SUCLA2: variants seen among roughly 807,000 people sequenced by gnomAD.
SUCLA2 encodes the protein succinate--CoA ligase [ADP-forming] subunit beta, mitochondrial.
Under a neutral mutation model 54.8 loss-of-function variants are expected in SUCLA2, and 30 were observed. The ratio of observed to expected loss-of-function variants is 0.55; its 90% CI spans 0.41 to 0.74. The LOEUF is 0.74. Ranked by LOEUF, SUCLA2 falls within the 30% of genes least tolerant of loss-of-function variation. The probability of loss-of-function intolerance (pLI) is 0.00; values close to 1 mark genes in which losing one functional copy is unlikely to be tolerated. For synonymous variants in SUCLA2, 172 were observed against 188.9 expected (o/e 0.91, Z 0.74); for missense variants, 476 against 562.9 (o/e 0.85, Z 1.56).
chr13:47,971,548 T>C, intron 5 of SUCLA2: 1 of 242,004 alleles, frequency 4.1e-6, no homozygotes, highest in Non-Finnish European at 7.8e-6. Flanking sequence ...CAATGGGGGC[T>C]TTTTTTTAGT....
intron 6 of SUCLA2, chr13:47,965,494 T>TAAAAA (rs35331016): frequency 9.6e-6 from 3 of 311,170 alleles, no homozygotes; most frequent in African/African-American, 5.3e-5. Flanking sequence ...ACCCCTTCTT[T>TAAAAA]AAAAAAAAAA....
chr13:47,997,636 G>GTCAC (rs1950200795), intron 1 of SUCLA2, among the ~76,000 whole-genome samples: 1 of 152,116 alleles, frequency 6.6e-6, no homozygotes, highest in African/African-American at 2.4e-5. Context: ...CTTGCCCAAA[G>GTCAC]TCACACCTCC....
intron 6 of SUCLA2, among the ~76,000 whole-genome samples, chr13:47,957,875 A>C (rs1171647339): frequency 6.6e-6 from 1 of 152,178 alleles, no homozygotes; most frequent in Non-Finnish European, 1.5e-5. Flanking sequence ...AAGCACCTCA[A>C]GTGTGTCAGT....
In SUCLA2 at chr13:47,980,693, T is replaced by A. The variant is rs186715370; in HGVS notation, c.535-7301A>T. On this transcript the variant is annotated intron_variant, in intron 4 of 10. Coordinates refer to ENST00000646932, the MANE Select transcript of SUCLA2 (RefSeq NM_003850.3). ...GGCCTCACACTTCTTTTAAAATATA[T>A]TACAAGGTTACAGTTATCAAAACAG... Among the ~76,000 whole-genome samples the A allele has an allele frequency of 3.2e-3, 488 of 151,708 alleles. 3 individuals are homozygous for A. Among genetic ancestry groups the A allele is most frequent in the African/African-American group, 0.011 (472 of 41,438 alleles).
At chr13:47,997,122 C>T in intron 1 of SUCLA2, 99 bp from the exon 2 acceptor site, 1 of 1,258,642 alleles carries the variant, frequency 7.9e-7, no homozygotes, top group South Asian at 1.2e-5. Flanking sequence ...TGTTACATTA[C>T]ATTAGCAAAG....
chr13:47,985,571 T>C (rs766722107), intron 4 of SUCLA2, among the ~76,000 whole-genome samples: 10 of 152,162 alleles, frequency 6.6e-5, no homozygotes, highest in Non-Finnish European at 1.5e-4. Context: ...ATAATCTCAT[T>C]CCTTTTTTAT....
intron 10 of SUCLA2, among the ~76,000 whole-genome samples, chr13:47,946,583 T>TG (rs1949733981): frequency 7.0e-6 from 1 of 142,296 alleles, no homozygotes; most frequent in East Asian, 2.0e-4. Flanking sequence ...AGGTTGTGTT[T>TG]TTTTTTTTTT....
chr13:47,984,070 T>C (rs1950080053), intron 4 of SUCLA2, among the ~76,000 whole-genome samples: 6 of 152,228 alleles, frequency 3.9e-5, no homozygotes, highest in Admixed American at 3.9e-4. Context: ...CACTGTAGAA[T>C]GAATAGCTAT....
chr13:47,943,063 C>A lies in SUCLA2; in HGVS notation c.*308G>T. 2 of 353,130 alleles carry A rather than the reference C, an allele frequency of 5.7e-6. No homozygotes were observed. The highest frequency in any genetic ancestry group is 1.1e-5 in the Non-Finnish European group (2 of 188,746). The allele number at this position is 353,130 out of a possible 1,614,324, so 21.9% of individuals were successfully genotyped here. A position where few individuals can be genotyped will look rare whatever the true frequency, so the allele number is the denominator to read the frequency against. ...TCGTATTTATCTTATTTATAGGACT[C>A]TTATCAATGAAGAACTTTGTATCCA... is the stretch of plus-strand genomic sequence containing the variant. On this transcript the variant is annotated 3_prime_UTR_variant, in exon 11 of 11. Coordinates refer to ENST00000646932, the MANE Select transcript of SUCLA2 (RefSeq NM_003850.3).
At chr13:47,973,568 T>C (rs1221843574) in intron 4 of SUCLA2, among the ~76,000 whole-genome samples, 176 bp from the exon 5 acceptor site, 1 of 152,146 alleles carries the variant, frequency 6.6e-6, no homozygotes, top group Non-Finnish European at 1.5e-5. Flanking sequence ...CTTATAAATA[T>C]TCAATTAAAG....
intron 6 of SUCLA2, among the ~76,000 whole-genome samples, chr13:47,958,944 A>C (rs959067729): frequency 1.9e-4 from 29 of 152,218 alleles, no homozygotes; most frequent in Non-Finnish European, 4.0e-4. Context: ...GTAATTTAAA[A>C]TTTTGAAATT....
intron 4 of SUCLA2, among the ~76,000 whole-genome samples, chr13:47,986,029 GTTTT>G (rs36000556): frequency 9.8e-5 from 12 of 122,208 alleles, no homozygotes; most frequent in East Asian, 2.4e-4. Flanking sequence ...CATATGTATA[GTTTT>G]TTTTTTTTTT....
intron 2 of SUCLA2, among the ~76,000 whole-genome samples, chr13:47,995,507 C>CA (rs1264046777): frequency 6.6e-6 from 1 of 152,062 alleles, no homozygotes; most frequent in Admixed American, 6.5e-5. Context: ...GCTTATATGA[C>CA]AGTTTTCTGA....
At chr13:47,997,264 T>C (rs1368204658) in intron 1 of SUCLA2, among the ~76,000 whole-genome samples, 1 of 149,630 alleles carries the variant, frequency 6.7e-6, no homozygotes, top group African/African-American at 2.5e-5. Context: ...TCAGCTTTAC[T>C]ATCATATCTC....
intron 6 of SUCLA2, among the ~76,000 whole-genome samples, chr13:47,955,404 G>A (rs968454029): frequency 6.6e-6 from 1 of 152,096 alleles, no homozygotes; most frequent in Non-Finnish European, 1.5e-5. Flanking sequence ...GTTTTGCCAT[G>A]TTGGCCAGGC....
intron 4 of SUCLA2, among the ~76,000 whole-genome samples, chr13:47,977,512 GA>G (rs35145189): frequency 3.3e-5 from 5 of 150,134 alleles, no homozygotes; most frequent in South Asian, 2.1e-4. Context: ...AAATAATGAT[GA>G]AAAAAAAACT....
chr13:47,958,640 A>G (rs1949841065), intron 6 of SUCLA2, among the ~76,000 whole-genome samples: 1 of 152,228 alleles, frequency 6.6e-6, no homozygotes, highest in Non-Finnish European at 1.5e-5. Flanking sequence ...ATAGAAGGTT[A>G]TAAAACTATA....
chr13:47,994,938 T>C (rs1593504399), intron 2 of SUCLA2: 1 of 785,232 alleles, frequency 1.3e-6, no homozygotes, highest in Non-Finnish European at 1.5e-6. Flanking sequence ...TCAAAACAGA[T>C]TGGCATCTGA....
At chr13:47,944,839 C>G (rs578037464) in intron 10 of SUCLA2, among the ~76,000 whole-genome samples, 15 of 152,246 alleles carry the variant, frequency 9.9e-5, no homozygotes, top group East Asian at 1.9e-4. Context: ...ATTCAAGAGT[C>G]TGGCCAAGCC....
Sources: gnomAD v4.1 joint callset for allele counts (sites outside exome capture counted in the v4.1 genomes callset) on GRCh38, gnomAD v4.1.1 for gene constraint, MANE v1.5 for transcripts, NCBI Gene and HGNC (gene_info 2026-07-23, HGNC 2026-07-21) for gene names.